Variants in DAGLB observed in about 807,000 individuals in gnomAD.
DAGLB encodes the protein diacylglycerol lipase-beta.
A neutral mutation model predicts 72.1 loss-of-function variants in DAGLB; 66 were observed. The observed-to-expected ratio is 0.92, with a 90% CI of 0.75 to 1.12. DAGLB has a LOEUF of 1.12. DAGLB is among the 50% of genes most tolerant of loss of function. DAGLB has a pLI of 0.00. For missense variants in DAGLB, 1,065 were observed against 884.9 expected (o/e 1.20, Z -2.58); for synonymous variants, 414 against 359.5 (o/e 1.15, Z -1.71).
intron 3 of DAGLB, 111 bp from the exon 4 acceptor site, chr7:6,435,131 C>T: frequency 6.8e-7 from 1 of 1,477,110 alleles, no homozygotes; most frequent in Non-Finnish European, 9.1e-7. Context: ...ACGGAGGGTT[C>T]TGTTACCGAG....
chr7:6,410,670 A>G (rs1783691864), intron 13 of DAGLB, among the ~76,000 whole-genome samples: 1 of 152,106 alleles, frequency 6.6e-6, no homozygotes, highest in Admixed American at 6.6e-5. Flanking sequence ...TGTGAGGGAT[A>G]TTTCCCTTAA....
intron 3 of DAGLB, chr7:6,435,488 G>GAA (rs34469026): frequency 4.5e-4 from 64 of 142,324 alleles, no homozygotes; most frequent in South Asian, 1.0e-3. Context: ...CCGTCTCAAA[G>GAA]AAAAAAAAAA....
At chr7:6,426,776 T>C (rs1025149614) in intron 6 of DAGLB, among the ~76,000 whole-genome samples, 1 of 152,032 alleles carries the variant, frequency 6.6e-6, no homozygotes, top group East Asian at 1.9e-4. Flanking sequence ...AAACAAGAAA[T>C]CATAGAAGTA....
chr7:6,434,709 G>C lies in DAGLB; in HGVS notation c.678+53C>G. ...GGGAACAGAGGGACCGGCTCCATCA[G>C]AAGCATTTACTGAAACAGAAGAAAC... On this transcript the variant is annotated intron_variant, in intron 4 of 14. Coordinates refer to ENST00000297056, the MANE Select transcript of DAGLB (RefSeq NM_139179.4). 15 of 1,605,946 alleles carry C rather than the reference G, an allele frequency of 9.3e-6. 1 individual carries two copies. The South Asian group carries it at 1.5e-4, about 16-fold the overall frequency.
At chr7:6,412,247 A>T (rs967545339) in intron 13 of DAGLB, among the ~76,000 whole-genome samples, 1 of 151,934 alleles carries the variant, frequency 6.6e-6, no homozygotes, top group African/African-American at 2.4e-5. Context: ...ATGTTAAAAA[A>T]CCCTTGACGT....
chr7:6,439,518 C>A (rs1784762455), intron 2 of DAGLB, among the ~76,000 whole-genome samples: 1 of 152,180 alleles, frequency 6.6e-6, no homozygotes, highest in African/African-American at 2.4e-5. Context: ...GTACACTCAA[C>A]TCCTATAGCC....
intron 8 of DAGLB, 199 bp from the exon 9 acceptor site, chr7:6,422,003 T>C: frequency 1.5e-6 from 1 of 681,288 alleles, no homozygotes; most frequent in Non-Finnish European, 2.7e-6. Context: ...CACGACCAGC[T>C]CTGGGCCAGG....
At chr7:6,442,993 G>A (rs553589827) in intron 2 of DAGLB, among the ~76,000 whole-genome samples, 10 of 140,918 alleles carry the variant, frequency 7.1e-5, no homozygotes, top group Non-Finnish European at 1.4e-4. Flanking sequence ...CTAACACAGT[G>A]AAACCCCGTC....
intron 1 of DAGLB, among the ~76,000 whole-genome samples, chr7:6,447,064 C>G (rs1485489494): frequency 2.0e-5 from 3 of 152,164 alleles, no homozygotes; most frequent in Non-Finnish European, 4.4e-5. Flanking sequence ...GTCTCAAACT[C>G]CTGCCCTCAA....
At chr7:6,436,627 T>C (rs1784667633) in intron 2 of DAGLB, 94 bp from the exon 3 acceptor site, 2 of 1,527,008 alleles carry the variant, frequency 1.3e-6, no homozygotes, top group African/African-American at 2.8e-5. Context: ...GAGCATACAT[T>C]TGTACTGTGC....
chr7:6,438,812 A>C (rs1045587787), intron 2 of DAGLB, among the ~76,000 whole-genome samples: 2 of 152,140 alleles, frequency 1.3e-5, no homozygotes, highest in East Asian at 1.9e-4. Context: ...GTTCGAGACC[A>C]CGCTGGGGAA....
Position 6,432,795 on chromosome 7 carries a change from G to C in DAGLB, c.801+42C>G, listed in dbSNP as rs200164206. Reference sequence around the variant, plus strand: ...TATGATTCTGAAGACCCACCAAAAGGTGTAAGTGTCAGAACTGGACACTCC... The same window carrying C: ...TATGATTCTGAAGACCCACCAAAAGCTGTAAGTGTCAGAACTGGACACTCC... On this transcript the variant is annotated intron_variant, in intron 5 of 14. Coordinates refer to ENST00000297056, the MANE Select transcript of DAGLB (RefSeq NM_139179.4). The C allele has an allele frequency of 1.0e-5, 16 of 1,595,666 alleles. No individual in the cohort carries two copies. The East Asian group carries it at 3.0e-4, about 30-fold the overall frequency.
intron 2 of DAGLB, 74 bp downstream of exon 2, chr7:6,445,879 T>C (rs1784983593): frequency 6.9e-7 from 1 of 1,454,086 alleles, no homozygotes; most frequent in Non-Finnish European, 9.2e-7. Flanking sequence ...CAGAAGTGAA[T>C]TGTATGGTAT....
chr7:6,413,064 G>C (rs757737978), intron 11 of DAGLB, 30 bp from the exon 12 acceptor site: 4 of 1,606,174 alleles, frequency 2.5e-6, no homozygotes, highest in Non-Finnish European at 3.4e-6. Flanking sequence ...GAGGATGTTA[G>C]CTTTACGATG....
chr7:6,426,247 G>A, intron 6 of DAGLB, 133 bp from the exon 7 acceptor site: 1 of 1,323,854 alleles, frequency 7.6e-7, no homozygotes. Context: ...TGGCTGACAT[G>A]GAATGGCTTT....
In DAGLB at chr7:6,434,237, GAA is replaced by G. The variant is rs11333519; in HGVS notation, c.678+523_678+524del. On this transcript the variant is annotated intron_variant, in intron 4 of 14. Transcript: ENST00000297056. ...TATAAAAAGATGACACGCTGCATGTGAAAAAAAAAAAACAAGCATTTTCAAAT... is the reference window on the plus strand; with the variant it reads ...TATAAAAAGATGACACGCTGCATGTGAAAAAAAAAACAAGCATTTTCAAAT... 9.4e-5 allele frequency among the ~76,000 whole-genome samples: 14 copies of G among 148,316 alleles called. No homozygotes were observed. The East Asian group carries it at 1.4e-3, about 15-fold the overall frequency.
chr7:6,410,959 T>A (rs1343563067), intron 13 of DAGLB, among the ~76,000 whole-genome samples: 3 of 147,840 alleles, frequency 2.0e-5, no homozygotes, highest in Admixed American at 1.4e-4. Context: ...ATCTTGGCTC[T>A]CTGCAAGCTC....
chr7:6,443,875 T>C (rs896265534), intron 2 of DAGLB, among the ~76,000 whole-genome samples: 12 of 152,170 alleles, frequency 7.9e-5, no homozygotes, highest in African/African-American at 2.7e-4. Context: ...CATCATCCTA[T>C]GAAGCAGAGG....
At chr7:6,443,365 G>A (rs1043486825) in intron 2 of DAGLB, among the ~76,000 whole-genome samples, 1 of 151,506 alleles carries the variant, frequency 6.6e-6, no homozygotes, top group Admixed American at 6.6e-5. Flanking sequence ...AGGCAGAATT[G>A]TTTGAATCTG....
Sources: allele counts gnomAD v4.1 joint callset (sites outside exome capture counted in the v4.1 genomes callset), GRCh38; gene constraint gnomAD v4.1.1; transcripts MANE v1.5; gene names NCBI Gene and HGNC (gene_info 2026-07-23, HGNC 2026-07-21).